Variants in ZC3H3 observed in about 807,000 individuals in gnomAD.
The protein encoded by ZC3H3 is zinc finger CCCH domain-containing protein 3.
ZC3H3 carries 36 observed loss-of-function variants against 77.3 expected under a neutral mutation model. The observed-to-expected ratio is 0.47, with a 90% confidence interval of 0.36 to 0.61. The LOEUF (loss-of-function observed/expected upper bound fraction) is 0.61. Among genes scored for constraint, ZC3H3 ranks in the 20% least tolerant of loss-of-function variants. The pLI is 0.00. For synonymous variants in ZC3H3, 626 were observed against 555.2 expected (o/e 1.13, Z -1.79); for missense variants, 1,331 against 1,312.2 (o/e 1.01, Z -0.22).
intron 4 of ZC3H3, among the ~76,000 whole-genome samples, chr8:143,506,257 G>A (rs1039241827): frequency 6.6e-5 from 10 of 152,242 alleles, no homozygotes; most frequent in African/African-American, 2.4e-4. Flanking sequence ...GCCCCGAGCC[G>A]CACCCCTGGG....
intron 4 of ZC3H3, among the ~76,000 whole-genome samples, chr8:143,506,304 C>G (rs1014486988): frequency 1.3e-5 from 2 of 152,244 alleles, no homozygotes; most frequent in African/African-American, 2.4e-5. Context: ...ACGACGACCA[C>G]AGGACGGGAA....
Position 143,539,145 on chromosome 8 carries a change from G to T in ZC3H3, c.222C>A (p.Tyr74Ter), listed in dbSNP as rs1822924201. 1 of 1,612,880 alleles carries T rather than the reference G, an allele frequency of 6.2e-7. No individual in the cohort carries two copies. Among genetic ancestry groups the T allele is most frequent in the African/African-American group, 1.3e-5 (1 of 74,938 alleles). ...SHHGPSWRKKYSLVNRPPGPS... is the reference protein window; with the variant it reads ...SHHGPSWRKK Reference sequence around the variant, plus strand: ...GTCCCGGGGGCCGATTCACGAGGGAGTATTTCTTGCGCCACGAAGGCCCAT... The same window carrying T: ...GTCCCGGGGGCCGATTCACGAGGGATTATTTCTTGCGCCACGAAGGCCCAT... Residue 74 changes from tyrosine (Y) to a stop codon, truncating the protein, a stop_gained, in exon 2 of 12, where the codon TAC becomes TAA. Transcript: ENST00000262577. LOFTEE classifies it high-confidence loss of function.
intron 4 of ZC3H3, among the ~76,000 whole-genome samples, chr8:143,491,764 G>A (rs1253200453): frequency 6.6e-6 from 1 of 152,214 alleles, no homozygotes; most frequent in Non-Finnish European, 1.5e-5. Flanking sequence ...CAGAGGCCGT[G>A]CAGGGCTGTG....
chr8:143,471,909 C>A (rs547250500), intron 5 of ZC3H3, among the ~76,000 whole-genome samples: 4 of 152,232 alleles, frequency 2.6e-5, no homozygotes, highest in African/African-American at 9.6e-5. Context: ...TTCCTCATGG[C>A]GAGGCGGGGC....
rs576921674 is a variant in ZC3H3, at chr8:143,479,045, G to A, written c.1716-3460C>T. Among the ~76,000 whole-genome samples, 217 of 152,324 alleles carry A rather than the reference G, an allele frequency of 1.4e-3. 1 individual carries two copies. The highest frequency in any genetic ancestry group is 3.3e-3 in the Admixed American group (51 of 15,308). ...ATAGCCTGGGAGCCCAGGGCCTCCCGGGAATGGGGCAGGGCGCTTCCTGGT... is the reference window on the plus strand; with the variant it reads ...ATAGCCTGGGAGCCCAGGGCCTCCCAGGAATGGGGCAGGGCGCTTCCTGGT... On this transcript the variant is annotated intron_variant, in intron 4 of 11. Coordinates refer to ENST00000262577, the MANE Select transcript of ZC3H3 (RefSeq NM_015117.3).
chr8:143,458,535 T>G lies in ZC3H3; in HGVS notation c.2307+7182A>C, dbSNP rs878903338. The stretch of plus-strand genomic sequence containing the variant: ...GAGCCCAGGATACAGCTGGGTGCAG[T>G]GGCTCACGCCTGTAACCCCAGCATT... On this transcript the variant is annotated intron_variant, in intron 9 of 11. Coordinates refer to ENST00000262577, the MANE Select transcript of ZC3H3 (RefSeq NM_015117.3). Among the ~76,000 whole-genome samples, 6 of 67,062 alleles carry G rather than the reference T, an allele frequency of 8.9e-5. 2 individuals are homozygous for G. The highest frequency in any genetic ancestry group is 2.4e-4 in the African/African-American group (4 of 16,614). 44.0% of individuals were successfully genotyped at this position (67,062 alleles called of 152,430 possible).
At chr8:143,474,520 G>C (rs12544706) in intron 5 of ZC3H3, among the ~76,000 whole-genome samples, 32,813 of 152,210 alleles carry the variant, frequency 0.22, 3,733 homozygotes, top group Non-Finnish European at 0.26. Flanking sequence ...ATGGATGCTA[G>C]GAACACAGCC....
rs140821720 is a variant in ZC3H3 at position 143,515,448 on chromosome 8, G to A, written c.1562-7549C>T. Among the ~76,000 whole-genome samples, 39 of 152,372 alleles carry A rather than the reference G, an allele frequency of 2.6e-4. 1 individual carries two copies. The highest frequency in any genetic ancestry group is 8.7e-4 in the African/African-American group (36 of 41,598). On this transcript the variant is annotated intron_variant, in intron 3 of 11. Coordinates refer to ENST00000262577, the MANE Select transcript of ZC3H3 (RefSeq NM_015117.3). ...CGGCAGACGGCACTGGCAGGCTGTG[G>A]GGACCCTGCAGTTGTGCGGAAAAGT...
intron 4 of ZC3H3, among the ~76,000 whole-genome samples, chr8:143,496,130 G>A (rs12678078): frequency 0.13 from 20,142 of 152,168 alleles, 1,935 homozygotes; most frequent in East Asian, 0.46. Context: ...CAGGAACACG[G>A]AATGAGGGCA....
intron 1 of ZC3H3, 129 bp downstream of exon 1, chr8:143,541,247 C>G: frequency 6.6e-7 from 1 of 1,515,022 alleles, no homozygotes; most frequent in Non-Finnish European, 8.8e-7. Context: ...CGGACCCTAC[C>G]GTCCCCCACC....
At chr8:143,490,126 CG>C (rs1439986201) in intron 4 of ZC3H3, among the ~76,000 whole-genome samples, 2 of 151,984 alleles carry the variant, frequency 1.3e-5, no homozygotes, top group African/African-American at 4.8e-5. Flanking sequence ...GCAGGGGCGG[CG>C]GGGGTGAAGG....
chr8:143,527,124 A>G lies in ZC3H3; in HGVS notation c.1561+9133T>C, dbSNP rs566199238. Among the ~76,000 whole-genome samples the G allele has an allele frequency of 1.2e-3, 176 of 152,306 alleles. 1 individual carries two copies. The highest frequency in any genetic ancestry group is 3.0e-3 in the African/African-American group (123 of 41,572). On this transcript the variant is annotated intron_variant, in intron 3 of 11. Coordinates refer to ENST00000262577, the MANE Select transcript of ZC3H3 (RefSeq NM_015117.3). ...TGCCCCTGGCTGCCTGGTGGGGGTTAGCAGGTGGTGACAGAGCCTGTGTCC... is the reference window on the plus strand; with the variant it reads ...TGCCCCTGGCTGCCTGGTGGGGGTTGGCAGGTGGTGACAGAGCCTGTGTCC...
At chr8:143,491,761 C>T (rs7841755) in intron 4 of ZC3H3, among the ~76,000 whole-genome samples, 31,101 of 152,244 alleles carry the variant, frequency 0.2, 3,386 homozygotes, top group African/African-American at 0.27. Flanking sequence ...AGGCAGAGGC[C>T]GTGCAGGGCT....
chr8:143,448,305 TA>T (rs1210664735), intron 9 of ZC3H3, among the ~76,000 whole-genome samples: 345 of 136,130 alleles, frequency 2.5e-3, no homozygotes, highest in Middle Eastern at 7.3e-3. Context: ...AAACTCTGTC[TA>T]AAAAAAAAAA....
intron 3 of ZC3H3, among the ~76,000 whole-genome samples, chr8:143,521,110 GC>G (rs1822228381): frequency 6.6e-6 from 1 of 152,238 alleles, no homozygotes; most frequent in African/African-American, 2.4e-5. Flanking sequence ...CACAGCCCCT[GC>G]CCAGCCCAGA....
At chr8:143,481,975 A>G (rs1241510646) in intron 4 of ZC3H3, among the ~76,000 whole-genome samples, 1 of 152,218 alleles carries the variant, frequency 6.6e-6, no homozygotes, top group Non-Finnish European at 1.5e-5. Flanking sequence ...TCACAGCTGA[A>G]AGGGGGCTGC....
In ZC3H3 at chr8:143,507,781, C is replaced by A; in HGVS notation, c.1680G>T (p.Leu560=). The change falls in exon 4 of 12, where the codon CTG becomes CTT. Residue 560 remains leucine, a synonymous_variant. Transcript: ENST00000262577. The part of the protein sequence containing the change: ...PLSAPPFPLS[L]PSWRARRLSL... Reference sequence around the variant, plus strand: ...AGAGCCGCCGGGCCCGCCAGGAGGGCAGAGACAGGGGGAAGGGCGGGGCGC... The same window carrying A: ...AGAGCCGCCGGGCCCGCCAGGAGGGAAGAGACAGGGGGAAGGGCGGGGCGC... 1 of 1,599,070 alleles carries A rather than the reference C, an allele frequency of 6.3e-7. No homozygotes were observed. The highest frequency in any genetic ancestry group is 8.5e-7 in the Non-Finnish European group (1 of 1,174,630).
chr8:143,437,874 C>T lies in ZC3H3; in HGVS notation c.*182G>A. On this transcript the variant is annotated 3_prime_UTR_variant, in exon 12 of 12. Transcript: ENST00000262577. Reference sequence around the variant, plus strand: ...GGGGCCTGGCTTGGGGGAGGAAGACCAGGCCCTGCGCACACGCTGGTCATG... The same window carrying T: ...GGGGCCTGGCTTGGGGGAGGAAGACTAGGCCCTGCGCACACGCTGGTCATG... 1 of 807,798 alleles carries T rather than the reference C, an allele frequency of 1.2e-6. No individual in the cohort carries two copies. The highest frequency in any genetic ancestry group is 1.7e-5 in the South Asian group (1 of 60,072). 50.0% of individuals were successfully genotyped at this position (807,798 alleles called of 1,614,324 possible).
In ZC3H3 at chr8:143,471,141, G is replaced by A. The variant is rs80316979; in HGVS notation, c.1904-2482C>T. On this transcript the variant is annotated intron_variant, in intron 5 of 11. Coordinates refer to ENST00000262577, the MANE Select transcript of ZC3H3 (RefSeq NM_015117.3). Reference sequence around the variant, plus strand: ...CCAAGGGACAACATCCACGATGACCGGGGCACGCAGGCAGCCCCAATTCCC... The same window carrying A: ...CCAAGGGACAACATCCACGATGACCAGGGCACGCAGGCAGCCCCAATTCCC... Among the ~76,000 whole-genome samples the A allele has an allele frequency of 3.9e-5, 6 of 152,348 alleles. 1 individual carries two copies. The highest frequency in any genetic ancestry group is 4.1e-4 in the South Asian group (2 of 4,832).
Sources: gnomAD v4.1 joint callset for allele counts (sites outside exome capture counted in the v4.1 genomes callset) on GRCh38, gnomAD v4.1.1 for gene constraint, MANE v1.5 for transcripts, NCBI Gene and HGNC (gene_info 2026-07-23, HGNC 2026-07-21) for gene names.